GMPR: variants seen among roughly 807,000 people sequenced by gnomAD.
The protein encoded by GMPR is GMP reductase 1.
A neutral mutation model predicts 38.4 loss-of-function variants in GMPR; 31 were observed. That is an observed-to-expected ratio of 0.81 (90% confidence interval 0.61 to 1.09). GMPR has a LOEUF of 1.09. Ranked by LOEUF, GMPR falls within the 50% of genes least tolerant of loss-of-function variation. GMPR has a pLI of 0.00. For synonymous variants in GMPR, 162 were observed against 173.3 expected (o/e 0.93, Z 0.51); for missense variants, 468 against 453.7 (o/e 1.03, Z -0.29).
chr6:16,282,645 A>C (rs1759595644), intron 6 of GMPR, among the ~76,000 whole-genome samples: 1 of 152,200 alleles, frequency 6.6e-6, no homozygotes, highest in Non-Finnish European at 1.5e-5. Flanking sequence ...TAAGTTCAAA[A>C]GAGTTGCTGG....
chr6:16,277,369 G>A (rs990094969), intron 5 of GMPR, among the ~76,000 whole-genome samples: 2 of 152,204 alleles, frequency 1.3e-5, no homozygotes, highest in Non-Finnish European at 1.5e-5. Flanking sequence ...CTACAAGGTG[G>A]TGCCGGCCAG....
At chr6:16,267,731 G>C (rs1759289402) in intron 4 of GMPR, among the ~76,000 whole-genome samples, 1 of 152,154 alleles carries the variant, frequency 6.6e-6, no homozygotes, top group South Asian at 2.1e-4. Context: ...GTTGGCTCTG[G>C]GAGATGCTTT....
chr6:16,266,523 C>T (rs1279630254), intron 4 of GMPR, among the ~76,000 whole-genome samples: 6 of 150,428 alleles, frequency 4.0e-5, no homozygotes, highest in Admixed American at 3.3e-4. Flanking sequence ...TGTAACACGG[C>T]TGGGCGCGGT....
chr6:16,247,433 G>T (rs1758780622), intron 2 of GMPR, among the ~76,000 whole-genome samples: 1 of 151,092 alleles, frequency 6.6e-6, no homozygotes, highest in Non-Finnish European at 1.5e-5. Flanking sequence ...GGAGTACAGT[G>T]ACGTGATCTT....
intron 8 of GMPR, among the ~76,000 whole-genome samples, chr6:16,293,608 G>C (rs1455144300): frequency 1.3e-5 from 2 of 152,202 alleles, no homozygotes; most frequent in Non-Finnish European, 2.9e-5. Context: ...GACCAGCCTG[G>C]CCAACATGGT....
intron 3 of GMPR, among the ~76,000 whole-genome samples, chr6:16,252,056 G>A (rs1292585578): frequency 1.3e-5 from 2 of 152,124 alleles, no homozygotes; most frequent in Non-Finnish European, 2.9e-5. Context: ...TGTCGTTACT[G>A]TGCTTTAATT....
chr6:16,239,599 A>T (rs1350029780), intron 1 of GMPR, among the ~76,000 whole-genome samples: 1 of 152,170 alleles, frequency 6.6e-6, no homozygotes, highest in African/African-American at 2.4e-5. Context: ...AGAGCTGGAG[A>T]GGAAGGTGAG....
intron 4 of GMPR, among the ~76,000 whole-genome samples, chr6:16,261,492 T>G (rs1223962138): frequency 3.3e-5 from 5 of 151,878 alleles, no homozygotes; most frequent in African/African-American, 1.2e-4. Flanking sequence ...CAGAACAGAA[T>G]AATGGACTGT....
At chr6:16,247,257 C>A (rs1758775488) in intron 2 of GMPR, among the ~76,000 whole-genome samples, 1 of 152,038 alleles carries the variant, frequency 6.6e-6, no homozygotes, top group South Asian at 2.1e-4. Flanking sequence ...AAAGTGACAA[C>A]CCCTTTAAAA....
At chr6:16,282,441 C>T (rs1235301701) in intron 6 of GMPR, among the ~76,000 whole-genome samples, 1 of 152,150 alleles carries the variant, frequency 6.6e-6, no homozygotes, top group Non-Finnish European at 1.5e-5. Flanking sequence ...TGCAAATAAA[C>T]ATAAAAAGGA....
At chr6:16,264,279 AAGG>A (rs1759146517) in intron 4 of GMPR, 1 of 162,108 alleles carries the variant, frequency 6.2e-6, no homozygotes, top group Non-Finnish European at 1.3e-5. Context: ...CCAAGATTGA[AAGG>A]AGAGAGGCTG....
At position 16,285,801 on chromosome 6, in the gene GMPR, CTG is replaced by C. The variant is rs1341949124; in HGVS notation, c.665_666del (p.Cys222TyrfsTer35). The C allele has an allele frequency of 6.2e-7, 1 of 1,613,092 alleles. No homozygotes were observed. The highest frequency in any genetic ancestry group is 1.3e-5 in the African/African-American group (1 of 74,874). On this transcript the variant is annotated frameshift_variant, in exon 7 of 9. Transcript: ENST00000259727. LOFTEE classifies it high-confidence loss of function. ...LKGHIISDGG[C>X]TCPGDVAKAF... ...CTTTTTCCTCTGTGAAGGATGGAGG[CTG>C]TACGTGTCCAGGGGATGTCGCCAAA...
At chr6:16,289,001 T>G (rs572355888) in intron 7 of GMPR, among the ~76,000 whole-genome samples, 1 of 152,122 alleles carries the variant, frequency 6.6e-6, no homozygotes, top group Non-Finnish European at 1.5e-5. Context: ...TGGGGCCAGA[T>G]AAGAGAATAA....
intron 4 of GMPR, among the ~76,000 whole-genome samples, chr6:16,267,214 A>G (rs116074069): frequency 0.013 from 2,048 of 152,150 alleles, 50 homozygotes; most frequent in African/African-American, 0.047. Context: ...GTACAAAAAA[A>G]AGAAAAAATT....
chr6:16,256,984 G>C (rs957612718), intron 4 of GMPR, among the ~76,000 whole-genome samples: 3 of 152,158 alleles, frequency 2.0e-5, no homozygotes, highest in African/African-American at 7.2e-5. Context: ...GATTTCCTGG[G>C]TGATAGCAGC....
In GMPR at chr6:16,290,675, G is replaced by A. The variant is rs903880638; in HGVS notation, c.857+54G>A. 32 of 1,513,010 alleles carry A rather than the reference G, an allele frequency of 2.1e-5. 1 individual carries two copies. The highest frequency in any genetic ancestry group is 1.5e-4 in the African/African-American group (11 of 72,532). The allele number at this position is 1,513,010 out of a possible 1,614,324, so 93.7% of individuals were successfully genotyped here. On this transcript the variant is annotated intron_variant, in intron 8 of 8. Transcript: ENST00000259727. ...CGAGGCCTGGCCTTGCTTTTCTTAC[G>A]GAGATGGGATGGAAGCAGGTCTGAA...
chr6:16,293,636 A>G (rs1759879741), intron 8 of GMPR, among the ~76,000 whole-genome samples: 1 of 152,188 alleles, frequency 6.6e-6, no homozygotes, highest in South Asian at 2.1e-4. Context: ...CATCTCTACT[A>G]AAAATACTAA....
At chr6:16,242,303 T>A (rs1233096851) in intron 1 of GMPR, among the ~76,000 whole-genome samples, 2 of 151,306 alleles carry the variant, frequency 1.3e-5, no homozygotes, top group Non-Finnish European at 2.9e-5. Context: ...AGGATACCTG[T>A]GTTTTAGTCC....
At chr6:16,243,269 A>G (rs1312446925) in intron 1 of GMPR, among the ~76,000 whole-genome samples, 1 of 152,214 alleles carries the variant, frequency 6.6e-6, no homozygotes, top group African/African-American at 2.4e-5. Flanking sequence ...GTATTTTGGA[A>G]CCAGTTCTAA....
Sources: allele counts gnomAD v4.1 joint callset (sites outside exome capture counted in the v4.1 genomes callset), GRCh38; gene constraint gnomAD v4.1.1; transcripts MANE v1.5; gene names NCBI Gene and HGNC (gene_info 2026-07-23, HGNC 2026-07-21).